Variants in NEK10 observed in about 807,000 individuals in gnomAD.
NEK10 encodes the protein serine/threonine-protein kinase Nek10.
NEK10 carries 122 observed loss-of-function variants against 159.8 expected under a neutral mutation model. That is an observed-to-expected ratio of 0.76 (90% CI 0.66 to 0.89). NEK10 has a LOEUF of 0.89. NEK10 is among the 40% of genes least tolerant of loss of function. The pLI is 0.00. For missense variants in NEK10, 1,342 were observed against 1,323.1 expected (o/e 1.01, Z -0.22); for synonymous variants, 466 against 457.1 (o/e 1.02, Z -0.25).
At chr3:27,189,246 G>A (rs891379158) in intron 26 of NEK10, among the ~76,000 whole-genome samples, 2 of 151,986 alleles carry the variant, frequency 1.3e-5, no homozygotes, top group African/African-American at 4.8e-5. Context: ...ATATATATTA[G>A]TACTTACGTT....
chr3:27,193,493 T>G (rs1197258250), intron 25 of NEK10, among the ~76,000 whole-genome samples: 1 of 151,946 alleles, frequency 6.6e-6, no homozygotes, highest in African/African-American at 2.4e-5. Flanking sequence ...TCCTCCACTC[T>G]TTCCCCTCCT....
At chr3:27,171,930 T>G in intron 28 of NEK10, 57 bp from the exon 29 acceptor site, 1 of 1,542,866 alleles carries the variant, frequency 6.5e-7, no homozygotes, top group Non-Finnish European at 8.8e-7. Context: ...TCTTTTATTT[T>G]TTATGTTTTA....
intron 26 of NEK10, among the ~76,000 whole-genome samples, chr3:27,183,566 C>T (rs1210474505): frequency 6.6e-6 from 1 of 151,918 alleles, no homozygotes; most frequent in African/African-American, 2.4e-5. Flanking sequence ...CCACCACAAA[C>T]AATTACATGA....
chr3:27,153,821 T>A (rs1213117572), intron 30 of NEK10, among the ~76,000 whole-genome samples: 1 of 152,128 alleles, frequency 6.6e-6, no homozygotes, highest in South Asian at 2.1e-4. Context: ...CTAAGAGGAA[T>A]GTTCATAGCC....
Position 27,109,880 on chromosome 3 carries a change from G to A in NEK10, c.*1392C>T, listed in dbSNP as rs1295913452. On this transcript the variant is annotated 3_prime_UTR_variant, in exon 36 of 36. Transcript: ENST00000691995. The stretch of plus-strand genomic sequence containing the variant: ...AATTTGGCTTAAAGAAAGATCCATT[G>A]ACAATCTTCAAAAGCATTAGTGCAT... Among the ~76,000 whole-genome samples, 1 of 152,122 alleles carries A rather than the reference G, an allele frequency of 6.6e-6. No individual in the cohort carries two copies. Among genetic ancestry groups the A allele is most frequent in the Non-Finnish European group, 1.5e-5 (1 of 68,002 alleles).
chr3:27,352,223 G>C (rs991600399), intron 3 of NEK10, among the ~76,000 whole-genome samples: 2 of 152,196 alleles, frequency 1.3e-5, no homozygotes, highest in African/African-American at 4.8e-5. Context: ...GGTTTGCTAA[G>C]TAGGACACAG....
rs890948517 is a variant in NEK10, at chr3:27,236,511, T to G, written c.2090+19785A>C. Among the ~76,000 whole-genome samples, 8 of 152,148 alleles carry G rather than the reference T, an allele frequency of 5.3e-5. No homozygotes were observed. In the East Asian group the frequency reaches 1.5e-3, roughly 29 times the overall value. ...GCTCCCAATATTTCAATGTAGGTTC[T>G]ATTTTCCCTAAGTGTCGGCCAGTCT... On this transcript the variant is annotated intron_variant, in intron 23 of 35. Transcript: ENST00000691995.
intron 26 of NEK10, among the ~76,000 whole-genome samples, chr3:27,182,858 A>C (rs1475910628): frequency 6.6e-6 from 1 of 152,102 alleles, no homozygotes; most frequent in Non-Finnish European, 1.5e-5. Flanking sequence ...TCCTACTTAT[A>C]CGTGGGAGCT....
intron 31 of NEK10, among the ~76,000 whole-genome samples, chr3:27,132,468 C>T (rs905482902): frequency 6.6e-6 from 1 of 152,050 alleles, no homozygotes; most frequent in African/African-American, 2.4e-5. Context: ...TTGGAGTGCT[C>T]CTGAAAATTC....
chr3:27,221,428 G>A (rs1056646220), intron 23 of NEK10, among the ~76,000 whole-genome samples: 3 of 152,194 alleles, frequency 2.0e-5, no homozygotes, highest in African/African-American at 7.2e-5. Flanking sequence ...CACTAGTGTG[G>A]CTATGATCCA....
rs78752640 is a variant in NEK10, at chr3:27,108,692, C to T, written c.*2580G>A. The stretch of plus-strand genomic sequence containing the variant: ...TGCAATCAAGAAAAGATTAAGAGGT[C>T]TATGAAGTTCATGTAACAACTCCTT... On this transcript the variant is annotated 3_prime_UTR_variant, in exon 36 of 36. Coordinates refer to ENST00000691995, the MANE Select transcript of NEK10 (RefSeq NM_001394966.1). Among the ~76,000 whole-genome samples the T allele has an allele frequency of 2.6e-4, 40 of 152,260 alleles. No homozygotes were observed. In the East Asian group the frequency reaches 7.1e-3, roughly 27 times the overall value.
At chr3:27,282,611 A>T (rs1405046912) in intron 22 of NEK10, among the ~76,000 whole-genome samples, 1 of 141,068 alleles carries the variant, frequency 7.1e-6, no homozygotes, top group East Asian at 2.0e-4. Context: ...TATATACATA[A>T]CTGTGTTATA....
chr3:27,339,518 C>T (rs1371013633), intron 5 of NEK10, among the ~76,000 whole-genome samples: 15 of 152,024 alleles, frequency 9.9e-5, no homozygotes, highest in African/African-American at 2.4e-4. Context: ...CAGTGGCTCA[C>T]GCTTGTAATC....
In NEK10 at chr3:27,230,784, T is replaced by C. The variant is rs564617931; in HGVS notation, c.2090+25512A>G. On this transcript the variant is annotated intron_variant, in intron 23 of 35. Transcript: ENST00000691995. ...TAAGAAAAGGCAAAGAAGGACATTA[T>C]ATATTGATGAAAGGATTAGTCCAAT... Among the ~76,000 whole-genome samples the C allele has an allele frequency of 3.1e-4, 47 of 152,136 alleles. No individual in the cohort carries two copies. The East Asian group carries it at 9.1e-3, about 29-fold the overall frequency.
At chr3:27,277,990 C>T (rs954993792) in intron 22 of NEK10, among the ~76,000 whole-genome samples, 1 of 152,112 alleles carries the variant, frequency 6.6e-6, no homozygotes, top group Admixed American at 6.5e-5. Context: ...CAGAGGCAGA[C>T]AAAATTTTCT....
intron 23 of NEK10, among the ~76,000 whole-genome samples, chr3:27,247,530 A>G (rs1194969398): frequency 6.8e-6 from 1 of 148,074 alleles, no homozygotes; most frequent in Non-Finnish European, 1.5e-5. Context: ...AATTTTGTTT[A>G]TTTTATTTTA....
intron 23 of NEK10, chr3:27,255,368 A>AT: frequency 2.7e-6 from 1 of 372,792 alleles, no homozygotes; most frequent in Non-Finnish European, 5.4e-6. Flanking sequence ...CTCTTAAAAC[A>AT]TTATTCTGAA....
At chr3:27,155,151 A>G (rs909405457) in intron 30 of NEK10, among the ~76,000 whole-genome samples, 1 of 152,178 alleles carries the variant, frequency 6.6e-6, no homozygotes, top group Non-Finnish European at 1.5e-5. Flanking sequence ...CTATACACCA[A>G]CAGCAACCAA....
rs767499730 is a variant in NEK10, at chr3:27,171,883, G to A, written c.2777-10C>T. The A allele has an allele frequency of 1.9e-6, 3 of 1,609,992 alleles. No homozygotes were observed. The highest frequency in any genetic ancestry group is 8.5e-7 in the Non-Finnish European group (1 of 1,177,934). ...CTTCTCTTTAAAATGTCTGAGACGA[G>A]AAAATAGAAATAACTTTACATTATT... On this transcript the variant is annotated splice_polypyrimidine_tract_variant and intron_variant, in intron 28 of 35. Coordinates refer to ENST00000691995, the MANE Select transcript of NEK10 (RefSeq NM_001394966.1).
Sources: gnomAD v4.1 joint callset for allele counts (sites outside exome capture counted in the v4.1 genomes callset) on GRCh38, gnomAD v4.1.1 for gene constraint, MANE v1.5 for transcripts, NCBI Gene and HGNC (gene_info 2026-07-23, HGNC 2026-07-21) for gene names.